The following ACER3 variants were observed in gnomAD, a reference collection of about 807,000 sequenced individuals.
ACER3 encodes alkCDase 3.
A neutral mutation model predicts 48.9 loss-of-function variants in ACER3; 16 were observed. That is an observed-to-expected ratio of 0.33 (90% CI 0.22 to 0.50). The LOEUF (loss-of-function observed/expected upper bound fraction) is 0.50. Among genes scored for constraint, ACER3 ranks in the 20% least tolerant of loss-of-function variants. The probability of loss-of-function intolerance (pLI) is 0.98; values close to 1 mark genes in which losing one functional copy is unlikely to be tolerated. For synonymous variants in ACER3, 109 were observed against 107.8 expected (o/e 1.01, Z -0.07); for missense variants, 227 against 326.0 (o/e 0.70, Z 2.34).
At chr11:76,927,706 G>A (rs575923411) in intron 2 of ACER3, among the ~76,000 whole-genome samples, 28 of 151,998 alleles carry the variant, frequency 1.8e-4, no homozygotes, top group Admixed American at 3.9e-4. Context: ...GAGAACATGC[G>A]GTGTTTGGTT....
chr11:76,998,870 A>G, intron 7 of ACER3, 49 bp downstream of exon 7: 1 of 1,401,774 alleles, frequency 7.1e-7, no homozygotes, highest in Non-Finnish European at 9.8e-7. Flanking sequence ...ATTCAGACCT[A>G]TAACAGTAAA....
intron 2 of ACER3, among the ~76,000 whole-genome samples, chr11:76,950,393 AT>A: frequency 9.3e-5 from 3 of 32,250 alleles, no homozygotes; most frequent in Admixed American, 2.4e-4. Context: ...ATATATATAT[AT>A]ATATATATAT....
intron 1 of ACER3, among the ~76,000 whole-genome samples, chr11:76,912,833 T>C (rs1395117429): frequency 1.3e-5 from 2 of 152,296 alleles, no homozygotes; most frequent in East Asian, 1.9e-4. Context: ...GTGGAAGAGA[T>C]CCAAGTTACT....
intron 2 of ACER3, chr11:76,957,727 G>A: frequency 5.8e-6 from 1 of 171,958 alleles, no homozygotes; most frequent in Non-Finnish European, 1.3e-5. Flanking sequence ...ACAGGTGTGA[G>A]CCACCGGGCT....
chr11:76,925,218 G>A (rs1191430700), intron 1 of ACER3, among the ~76,000 whole-genome samples: 1 of 152,012 alleles, frequency 6.6e-6, no homozygotes, highest in Non-Finnish European at 1.5e-5. Flanking sequence ...TACTTTTTGG[G>A]CCAATAGATT....
At position 77,025,359 on chromosome 11, in the gene ACER3, G is replaced by C. The variant is rs1265533367; in HGVS notation, c.*5032G>C. ...TCAGGCTGCGTTGTATGGCCTGCAA[G>C]GTAAGAATGGTTATTTTATTTTATT... On this transcript the variant is annotated 3_prime_UTR_variant, in exon 11 of 11. Transcript: ENST00000532485. 2 of 145,376 alleles carry C rather than the reference G, an allele frequency of 1.4e-5. No homozygotes were observed. Among genetic ancestry groups the C allele is most frequent in the Non-Finnish European group, 3.0e-5 (2 of 67,306 alleles). The allele number at this position is 145,376 out of a possible 1,614,324, so 9.0% of individuals were successfully genotyped here.
chr11:76,966,955 A>G (rs1948153741), intron 3 of ACER3, among the ~76,000 whole-genome samples: 1 of 152,130 alleles, frequency 6.6e-6, no homozygotes, highest in African/African-American at 2.4e-5. Context: ...AATAACTAAA[A>G]TCAGAGCAGA....
At chr11:76,887,803 A>G (rs1045473496) in intron 1 of ACER3, among the ~76,000 whole-genome samples, 7 of 145,072 alleles carry the variant, frequency 4.8e-5, no homozygotes, top group African/African-American at 1.8e-4. Context: ...GTTAATTACT[A>G]TAGGTAACTT....
At chr11:76,993,904 C>A (rs1443839677) in intron 6 of ACER3, among the ~76,000 whole-genome samples, 1 of 152,184 alleles carries the variant, frequency 6.6e-6, no homozygotes, top group Non-Finnish European at 1.5e-5. Flanking sequence ...TCCTGCTGTG[C>A]AGCCCAGTTC....
chr11:76,931,612 C>G (rs566808885), intron 2 of ACER3, among the ~76,000 whole-genome samples: 1 of 152,128 alleles, frequency 6.6e-6, no homozygotes, highest in African/African-American at 2.4e-5. Flanking sequence ...ACCAGTTGTT[C>G]CTTTCCATGT....
chr11:77,011,289 C>T, intron 7 of ACER3: 1 of 982,598 alleles, frequency 1.0e-6, no homozygotes, highest in African/African-American at 1.7e-5. Context: ...CCTTCCCGCC[C>T]TGCTACCTGG....
Position 76,965,503 on chromosome 11 carries a change from C to T in ACER3, c.267+6472C>T, listed in dbSNP as rs144089937. On this transcript the variant is annotated intron_variant, in intron 3 of 10. Coordinates refer to ENST00000532485, the MANE Select transcript of ACER3 (RefSeq NM_018367.7). ...AGAGGAGCAACTCCAAGACACATAA[C>T]TCTCAGATTCACGAAAGCTGAAATG... 4.5e-3 allele frequency among the ~76,000 whole-genome samples: 675 copies of T among 151,336 alleles called. 11 individuals carry two copies. The highest frequency in any genetic ancestry group is 7.5e-3 in the Non-Finnish European group (511 of 68,016).
At position 77,018,920 on chromosome 11, in the gene ACER3, A is replaced by C. The variant is rs1473720743; in HGVS notation, c.705-811A>C. 2.6e-5 allele frequency among the ~76,000 whole-genome samples: 4 copies of C among 152,236 alleles called. No homozygotes were observed. The East Asian group carries it at 7.7e-4, about 29-fold the overall frequency. The stretch of plus-strand genomic sequence containing the variant: ...GAAGCTGCAGCAAGTTATCCAGAAG[A>C]TCTAGCTGAGATTATTGATGAAAGT... On this transcript the variant is annotated intron_variant, in intron 9 of 10. Coordinates refer to ENST00000532485, the MANE Select transcript of ACER3 (RefSeq NM_018367.7).
intron 2 of ACER3, among the ~76,000 whole-genome samples, chr11:76,948,211 C>CTGTGTGTGTGTGTGTGTGTGTGTG (rs57302394): frequency 7.4e-6 from 1 of 135,664 alleles, no homozygotes; most frequent in East Asian, 2.3e-4. Flanking sequence ...CTGGCTCACT[C>CTGTGTGTGTGTGTGTGTGTGTGTG]TGTGTGTGTG....
chr11:76,954,225 G>A (rs1022737374), intron 2 of ACER3, among the ~76,000 whole-genome samples: 6 of 152,114 alleles, frequency 3.9e-5, no homozygotes, highest in African/African-American at 1.4e-4. Flanking sequence ...GGGATTATAG[G>A]TGTGAGCCAC....
intron 1 of ACER3, among the ~76,000 whole-genome samples, chr11:76,916,961 G>T (rs532163280): frequency 1.0e-3 from 157 of 152,190 alleles, no homozygotes; most frequent in African/African-American, 3.3e-3. Flanking sequence ...CCTCCCTCTT[G>T]TGAGGCCAGA....
chr11:76,868,488 A>G (rs1002019880), intron 1 of ACER3, among the ~76,000 whole-genome samples: 1 of 150,418 alleles, frequency 6.6e-6, no homozygotes, highest in Non-Finnish European at 1.5e-5. Flanking sequence ...GTCTTTTATT[A>G]TAATGTTGGG....
chr11:77,016,974 A>C (rs1380416146), intron 9 of ACER3, among the ~76,000 whole-genome samples, 195 bp downstream of exon 9: 1 of 152,176 alleles, frequency 6.6e-6, no homozygotes, highest in Admixed American at 6.5e-5. Context: ...ACAAGTGAAA[A>C]CAAAAATACA....
chr11:76,950,871 A>G (rs1947647931), intron 2 of ACER3, among the ~76,000 whole-genome samples: 1 of 152,204 alleles, frequency 6.6e-6, no homozygotes, highest in Admixed American at 6.5e-5. Flanking sequence ...GAAAGATAAT[A>G]TGGACGATCT....
Sources: gnomAD v4.1 joint callset for allele counts (sites outside exome capture counted in the v4.1 genomes callset) on GRCh38, gnomAD v4.1.1 for gene constraint, MANE v1.5 for transcripts, NCBI Gene and HGNC (gene_info 2026-07-23, HGNC 2026-07-21) for gene names.